MDM4: variants seen among roughly 807,000 people sequenced by gnomAD.
MDM4 encodes MDM4 regulator of p53, also known as protein Mdm4.
Under a neutral mutation model 60.2 loss-of-function variants are expected in MDM4, and 2 were observed. The observed-to-expected ratio is 0.03, with a 90% confidence interval of 0.01 to 0.10. MDM4 has a LOEUF of 0.10. Among genes scored for constraint, MDM4 ranks in the 10% least tolerant of loss-of-function variants. The pLI is 1.00. For synonymous variants in MDM4, 202 were observed against 198.1 expected, an observed-to-expected ratio of 1.02 and a Z score of -0.17; for missense variants, 447 against 577.5, an observed-to-expected ratio of 0.77 and a Z score of 2.32.
intron 5 of MDM4, chr1:204,532,618 C>G (rs1044984627): frequency 3.0e-6 from 2 of 657,204 alleles, no homozygotes; most frequent in African/African-American, 3.7e-5. Context: ...GTATCATTTC[C>G]CCCAGTTATC....
rs941564930 is a variant in MDM4 at position 204,556,968 on chromosome 1, G to C, written c.*7286G>C. On this transcript the variant is annotated 3_prime_UTR_variant, in exon 11 of 11. Coordinates refer to ENST00000367182, the MANE Select transcript of MDM4 (RefSeq NM_002393.5). ...GCCTCTTGGGTAGAGGTAGAGTTAA[G>C]TATTGAGTGCCAGTCTTGACGTCCG... 4.8e-6 allele frequency: 1 copy of C among 208,686 alleles called. No individual in the cohort carries two copies. Among genetic ancestry groups the C allele is most frequent in the Non-Finnish European group, 9.7e-6 (1 of 102,604 alleles). 12.9% of individuals were successfully genotyped at this position (208,686 alleles called of 1,614,324 possible).
At chr1:204,519,552 A>G (rs1240759936) in intron 1 of MDM4, among the ~76,000 whole-genome samples, 1 of 152,194 alleles carries the variant, frequency 6.6e-6, no homozygotes, top group Non-Finnish European at 1.5e-5. Context: ...TGGTTGGATT[A>G]AAGAACATTG....
At chr1:204,533,082 T>C (rs944890437) in intron 5 of MDM4, among the ~76,000 whole-genome samples, 1 of 152,228 alleles carries the variant, frequency 6.6e-6, no homozygotes, top group African/African-American at 2.4e-5. Flanking sequence ...CTAATGGCTT[T>C]AGCCATCTCT....
intron 1 of MDM4, among the ~76,000 whole-genome samples, chr1:204,519,231 A>AT (rs1026849929): frequency 1.2e-4 from 18 of 152,190 alleles, no homozygotes; most frequent in South Asian, 8.3e-4. Context: ...ACACTATAGG[A>AT]TTTTTTTACT....
At chr1:204,522,908 GT>G (rs1558310063) in intron 1 of MDM4, among the ~76,000 whole-genome samples, 1 of 148,990 alleles carries the variant, frequency 6.7e-6, no homozygotes, top group African/African-American at 2.5e-5. Flanking sequence ...TGTAACCCAG[GT>G]TGGAGTGCAA....
At chr1:204,538,158 C>G (rs1304761842) in intron 6 of MDM4, 51 bp from the exon 7 acceptor site, 1 of 977,410 alleles carries the variant, frequency 1.0e-6, no homozygotes, top group African/African-American at 1.6e-5. Flanking sequence ...GCTACATCCC[C>G]TGGTCTCAGT....
intron 3 of MDM4, chr1:204,529,176 G>A (rs573460655): frequency 1.1e-5 from 9 of 840,492 alleles, no homozygotes; most frequent in Admixed American, 7.7e-5. Context: ...CTGAGAAGCC[G>A]TAGACATTTA....
chr1:204,524,616 A>G (rs952604420), intron 1 of MDM4, among the ~76,000 whole-genome samples: 1 of 152,178 alleles, frequency 6.6e-6, no homozygotes, highest in Non-Finnish European at 1.5e-5. Flanking sequence ...GTCTCTACTA[A>G]AAATACAATA....
intron 4 of MDM4, 113 bp downstream of exon 4, chr1:204,530,930 A>ATT: frequency 1.5e-6 from 2 of 1,377,512 alleles, no homozygotes; most frequent in Non-Finnish European, 2.0e-6. Flanking sequence ...GAGCCTACAT[A>ATT]TGTTAGGTAG....
intron 3 of MDM4, among the ~76,000 whole-genome samples, chr1:204,529,903 G>GTCTT (rs752484887): frequency 2.0e-5 from 3 of 152,124 alleles, no homozygotes; most frequent in Non-Finnish European, 4.4e-5. Flanking sequence ...TAGAGCCAGG[G>GTCTT]TCTTACTCTG....
At chr1:204,547,247 T>G (rs180924086) in intron 10 of MDM4, among the ~76,000 whole-genome samples, 2 of 152,318 alleles carry the variant, frequency 1.3e-5, no homozygotes, top group East Asian at 3.9e-4. Flanking sequence ...TCTAAAATTA[T>G]TTGTTGAATA....
chr1:204,542,744 A>T (rs1558330519), intron 7 of MDM4, 40 bp from the exon 8 acceptor site: 31 of 1,466,584 alleles, frequency 2.1e-5, no homozygotes, highest in Non-Finnish European at 2.9e-5. Flanking sequence ...GTTATTACGT[A>T]TTGTGCATAG....
rs948305956 is a variant in MDM4 at position 204,557,903 on chromosome 1, G to A, written c.*8221G>A. 10 of 143,552 alleles carry A rather than the reference G, an allele frequency of 7.0e-5. No homozygotes were observed. Among genetic ancestry groups the A allele is most frequent in the Middle Eastern group, 2.3e-3 (1 of 438 alleles). 8.9% of individuals were successfully genotyped at this position (143,552 alleles called of 1,614,324 possible). On this transcript the variant is annotated 3_prime_UTR_variant, in exon 11 of 11. Transcript: ENST00000367182. The stretch of plus-strand genomic sequence containing the variant: ...AGTAATAATAAAACTTCAGTCTTTC[G>A]CTAATAATAATAATAATAATAATAA...
At chr1:204,529,710 C>T (rs1660665807) in intron 3 of MDM4, 4 of 533,706 alleles carry the variant, frequency 7.5e-6, no homozygotes, top group Non-Finnish European at 1.4e-5. Context: ...ATTCTGACGT[C>T]ACACACAGGC....
rs1261464097 is a variant in MDM4, at chr1:204,553,402, G to C, written c.*3720G>C. ...ACTGCCAAATTGCTCCCATTTTTCT[G>C]CATCCCACCTGGTTTCTTTCTGCAT... On this transcript the variant is annotated 3_prime_UTR_variant, in exon 11 of 11. Coordinates refer to ENST00000367182, the MANE Select transcript of MDM4 (RefSeq NM_002393.5). 4.4e-6 allele frequency: 1 copy of C among 225,540 alleles called. No individual in the cohort carries two copies. The highest frequency in any genetic ancestry group is 8.8e-6 in the Non-Finnish European group (1 of 113,180). The allele number at this position is 225,540 out of a possible 1,614,324, so 14.0% of individuals were successfully genotyped here.
Position 204,549,262 on chromosome 1 carries a change from A to G in MDM4, c.1053A>G (p.Glu351=), listed in dbSNP as rs1662972498. ...LSTSDITAIP[E]KENEGNDVPD... ...CGTCTGATATCACTGCCATACCTGA[A>G]AAGGAAAATGAAGGAAATGATGTCC... The change falls in exon 11 of 11, where the codon GAA becomes GAG. Residue 351 remains glutamate (E), a synonymous_variant. Coordinates refer to ENST00000367182, the MANE Select transcript of MDM4 (RefSeq NM_002393.5). 1 of 1,614,074 alleles carries G rather than the reference A, an allele frequency of 6.2e-7. No individual in the cohort carries two copies. Among genetic ancestry groups the G allele is most frequent in the East Asian group, 2.2e-5 (1 of 44,900 alleles).
intron 7 of MDM4, among the ~76,000 whole-genome samples, chr1:204,540,097 C>T (rs752782179): frequency 6.6e-5 from 10 of 150,824 alleles, no homozygotes; most frequent in Non-Finnish European, 8.9e-5. Context: ...CTGGCCAACA[C>T]GGTGAAATCC....
At chr1:204,525,638 T>A in intron 2 of MDM4, 42 bp downstream of exon 2, 1 of 1,357,370 alleles carries the variant, frequency 7.4e-7, no homozygotes, top group Non-Finnish European at 1.0e-6. Flanking sequence ...GTTTTTTTTT[T>A]TTTTAATTTT....
rs1165951378 is a variant in MDM4 at position 204,556,107 on chromosome 1, A to G, written c.*6425A>G. On this transcript the variant is annotated 3_prime_UTR_variant, in exon 11 of 11. Transcript: ENST00000367182. ...CTCTGGTCTCCCTTAAGAAAAAAAA[A>G]CCCTTCCACCTTTACTGTGTCATTT... The G allele has an allele frequency of 4.5e-6, 1 of 222,626 alleles. No individual in the cohort carries two copies. The highest frequency in any genetic ancestry group is 2.2e-5 in the African/African-American group (1 of 44,706). 13.8% of individuals were successfully genotyped at this position (222,626 alleles called of 1,614,324 possible). A position where few individuals can be genotyped will look rare whatever the true frequency, so the allele number is the denominator to read the frequency against.
Sources: allele counts gnomAD v4.1 joint callset (sites outside exome capture counted in the v4.1 genomes callset), GRCh38; gene constraint gnomAD v4.1.1; transcripts MANE v1.5; gene names NCBI Gene and HGNC (gene_info 2026-07-23, HGNC 2026-07-21).